Variants in ZNF536 observed in about 807,000 individuals in gnomAD.
The protein encoded by ZNF536 is zinc finger protein 536.
ZNF536 carries 13 observed loss-of-function variants against 84.5 expected under a neutral mutation model. The ratio of observed to expected loss-of-function variants is 0.15; its 90% CI spans 0.10 to 0.24. The LOEUF (loss-of-function observed/expected upper bound fraction) is 0.24, where lower values mean the gene tolerates loss of function less well. Ranked by LOEUF, ZNF536 falls within the 10% of genes least tolerant of loss-of-function variation. ZNF536 has a pLI of 1.00. For synonymous variants in ZNF536, 811 were observed against 742.5 expected (o/e 1.09, Z -1.50); for missense variants, 1,536 against 1,747.5 (o/e 0.88, Z 2.16).
chr19:30,261,332 A>G (rs1333909625), intron 1 of ZNF536, among the ~76,000 whole-genome samples: 5 of 149,804 alleles, frequency 3.3e-5, no homozygotes, highest in Admixed American at 6.6e-5. Flanking sequence ...AGAAAAATAT[A>G]ACTAGCACAT....
chr19:30,448,899 C>T (rs889770139), intron 2 of ZNF536, among the ~76,000 whole-genome samples: 3 of 152,050 alleles, frequency 2.0e-5, no homozygotes, highest in Non-Finnish European at 4.4e-5. Context: ...CAGTTATTGC[C>T]GAGATGGGCG....
intron 2 of ZNF536, among the ~76,000 whole-genome samples, chr19:30,290,439 T>G (rs879657596): frequency 3.9e-5 from 6 of 152,058 alleles, no homozygotes; most frequent in South Asian, 2.1e-4. Context: ...CACTACTAAT[T>G]TAAAAATTTT....
chr19:30,541,970 A>G (rs1453339778), intron 3 of ZNF536, among the ~76,000 whole-genome samples: 1 of 152,228 alleles, frequency 6.6e-6, no homozygotes, highest in Admixed American at 6.5e-5. Context: ...AGACACCACC[A>G]TATTTATCTC....
chr19:30,708,257 G>C (rs143473138), intron 1 of ZNF536, among the ~76,000 whole-genome samples: 42 of 152,282 alleles, frequency 2.8e-4, no homozygotes, highest in Non-Finnish European at 5.1e-4. Context: ...AAGTGGGTTT[G>C]AGCCTGCAGA....
chr19:30,582,917 A>T (rs927394007), intron 1 of ZNF536, among the ~76,000 whole-genome samples: 1 of 152,120 alleles, frequency 6.6e-6, no homozygotes, highest in African/African-American at 2.4e-5. Context: ...ATTCAAGATG[A>T]GATTTGGATG....
intron 1 of ZNF536, among the ~76,000 whole-genome samples, chr19:30,579,848 C>T (rs1413309067): frequency 6.6e-6 from 1 of 152,196 alleles, no homozygotes; most frequent in Non-Finnish European, 1.5e-5. Context: ...TTCTGGTATG[C>T]TCTGAGGTCT....
intron 2 of ZNF536, among the ~76,000 whole-genome samples, chr19:30,343,879 G>A (rs1327906715): frequency 6.6e-6 from 1 of 152,140 alleles, no homozygotes; most frequent in Non-Finnish European, 1.5e-5. Flanking sequence ...AAAACAGCAA[G>A]AGGTTGGCCA....
chr19:30,362,198 A>T (rs2048297279), intron 3 of ZNF536, among the ~76,000 whole-genome samples: 1 of 151,884 alleles, frequency 6.6e-6, no homozygotes, highest in Non-Finnish European at 1.5e-5. Context: ...GGGAGCTGCC[A>T]CTCTCAAGGC....
At chr19:30,229,868 C>CT (rs1192323791) in intron 1 of ZNF536, among the ~76,000 whole-genome samples, 3 of 152,244 alleles carry the variant, frequency 2.0e-5, no homozygotes, top group Non-Finnish European at 4.4e-5. Context: ...CACTGGGCCT[C>CT]TGCCTGTGGA....
Position 30,673,775 on chromosome 19 carries a change from T to C in ZNF536, c.170-36982T>C, listed in dbSNP as rs558387574. Among the ~76,000 whole-genome samples the C allele has an allele frequency of 3.9e-5, 6 of 152,296 alleles. No homozygotes were observed. The South Asian group carries it at 1.2e-3, about 32-fold the overall frequency. On this transcript the variant is annotated intron_variant, in intron 1 of 1. Coordinates refer to the ZNF536 transcript ENST00000592773. ...GCACGTCCCGATGTCAGGTTCCCCA[T>C]GTTTATAGGTAAAATATTACTGGTG...
At chr19:30,474,313 TTC>T (rs66795970) in intron 2 of ZNF536, among the ~76,000 whole-genome samples, 37 of 149,472 alleles carry the variant, frequency 2.5e-4, no homozygotes, top group Admixed American at 4.7e-4. Flanking sequence ...TAAACCCTCT[TTC>T]TCTCTCTCTC....
chr19:30,524,981 A>G (rs2044515720), intron 2 of ZNF536, among the ~76,000 whole-genome samples: 1 of 152,208 alleles, frequency 6.6e-6, no homozygotes, highest in Non-Finnish European at 1.5e-5. Context: ...CTGTTTCACT[A>G]TGCTCTTCTA....
At chr19:30,680,256 TTTATTA>T (rs1274443425) in intron 1 of ZNF536, among the ~76,000 whole-genome samples, 2 of 151,064 alleles carry the variant, frequency 1.3e-5, no homozygotes, top group Admixed American at 6.6e-5. Flanking sequence ...TTTATTTTAT[TTTATTA>T]TTATTATACT....
At chr19:30,366,394 A>ATCTG (rs1005537066) in intron 3 of ZNF536, among the ~76,000 whole-genome samples, 3 of 149,910 alleles carry the variant, frequency 2.0e-5, no homozygotes, top group African/African-American at 7.4e-5. Context: ...CTATCTATCT[A>ATCTG]TCTATATCTA....
chr19:30,299,829 C>T (rs1004783830), intron 2 of ZNF536, among the ~76,000 whole-genome samples: 36 of 152,046 alleles, frequency 2.4e-4, no homozygotes, highest in South Asian at 2.1e-4. Context: ...ACACATGTGC[C>T]ATTTTTATTA....
At chr19:30,693,508 A>G (rs2051509251) in intron 1 of ZNF536, among the ~76,000 whole-genome samples, 2 of 152,030 alleles carry the variant, frequency 1.3e-5, no homozygotes, top group South Asian at 4.1e-4. Flanking sequence ...AAAGTCTGAC[A>G]CCTTTGATTT....
At chr19:30,595,330 C>T (rs987225192) in intron 1 of ZNF536, among the ~76,000 whole-genome samples, 31 of 152,192 alleles carry the variant, frequency 2.0e-4, no homozygotes, top group African/African-American at 7.5e-4. Context: ...CTCTCTTGCC[C>T]AGACTGGAGT....
intron 1 of ZNF536, among the ~76,000 whole-genome samples, chr19:30,439,748 C>T (rs2051927679): frequency 6.6e-6 from 1 of 152,022 alleles, no homozygotes; most frequent in Non-Finnish European, 1.5e-5. Context: ...CTGGTCAGCT[C>T]CTCTGAAACC....
intron 1 of ZNF536, among the ~76,000 whole-genome samples, chr19:30,584,834 G>T (rs373356587): frequency 2.0e-5 from 3 of 152,140 alleles, no homozygotes. Context: ...GGTGGCTCAC[G>T]CCTGCAATCC....
Sources: allele counts gnomAD v4.1 joint callset (sites outside exome capture counted in the v4.1 genomes callset), GRCh38; gene constraint gnomAD v4.1.1; transcripts MANE v1.5; gene names NCBI Gene and HGNC (gene_info 2026-07-23, HGNC 2026-07-21).